MDGA2: variants seen among roughly 807,000 people sequenced by gnomAD.
The protein encoded by MDGA2 is MAM domain-containing glycosylphosphatidylinositol anchor protein 2.
In MDGA2, 40 loss-of-function variants were observed where a neutral mutation model predicts 117.8. The observed-to-expected ratio is 0.34, with a 90% CI of 0.26 to 0.44. The LOEUF (loss-of-function observed/expected upper bound fraction) is 0.44, where lower values mean the gene tolerates loss of function less well. Among genes scored for constraint, MDGA2 ranks in the 20% least tolerant of loss-of-function variants. MDGA2 has a pLI of 1.00. For missense variants in MDGA2, 1,123 were observed against 1,250.6 expected (o/e 0.90, Z 1.54); for synonymous variants, 452 against 439.0 (o/e 1.03, Z -0.37).
chr14:47,485,051 A>C (rs189439061), intron 1 of MDGA2, among the ~76,000 whole-genome samples: 1 of 152,276 alleles, frequency 6.6e-6, no homozygotes, highest in East Asian at 1.9e-4. Flanking sequence ...AAAAATGTGA[A>C]AATGACTTTG....
chr14:47,237,090 A>G (rs941072823), intron 2 of MDGA2, among the ~76,000 whole-genome samples: 1 of 152,122 alleles, frequency 6.6e-6, no homozygotes, highest in Non-Finnish European at 1.5e-5. Context: ...CCCACAACCT[A>G]AATCTAATTT....
rs571492027 is a variant in MDGA2 at position 46,927,621 on chromosome 14, T to C, written c.2090-7461A>G. Among the ~76,000 whole-genome samples the C allele has an allele frequency of 3.3e-5, 5 of 152,318 alleles. No individual in the cohort carries two copies. The South Asian group carries it at 1.0e-3, about 32-fold the overall frequency. ...AACATCTCTCAGTTGAAGATTCATT[T>C]TTAAAATGAATGCAAGATGTGTGTA... is the stretch of plus-strand genomic sequence containing the variant. On this transcript the variant is annotated intron_variant, in intron 9 of 16. Coordinates refer to ENST00000399232, the MANE Select transcript of MDGA2 (RefSeq NM_001113498.3).
rs549300610 is a variant in MDGA2 at position 47,626,248 on chromosome 14, T to C, written c.280+48269A>G. The C allele has an allele frequency of 2.6e-5, 4 of 152,416 alleles. No individual in the cohort carries two copies. The Middle Eastern group carries it at 0.014, about 518-fold the overall frequency. 9.4% of individuals were successfully genotyped at this position (152,416 alleles called of 1,614,324 possible). A position where few individuals can be genotyped will look rare whatever the true frequency, so the allele number is the denominator to read the frequency against. ...TTGTTTTGGTAAACTAATCATATCA[T>C]TAAAAACAGTCAATACTTGTCTCCT... is the stretch of plus-strand genomic sequence containing the variant. On this transcript the variant is annotated intron_variant, in intron 1 of 16. Transcript: ENST00000399232.
chr14:47,153,804 T>C (rs1466756790), intron 3 of MDGA2, among the ~76,000 whole-genome samples: 1 of 149,404 alleles, frequency 6.7e-6, no homozygotes, highest in African/African-American at 2.5e-5. Flanking sequence ...AACAAATCAA[T>C]AGTAAATAAA....
intron 2 of MDGA2, among the ~76,000 whole-genome samples, chr14:47,232,509 G>A (rs1886725324): frequency 6.6e-6 from 1 of 151,966 alleles, no homozygotes; most frequent in Admixed American, 6.6e-5. Flanking sequence ...GAATTCTATT[G>A]TCTGCAATTG....
At chr14:47,237,863 T>C (rs1385617348) in intron 2 of MDGA2, among the ~76,000 whole-genome samples, 1 of 152,172 alleles carries the variant, frequency 6.6e-6, no homozygotes, top group Non-Finnish European at 1.5e-5. Flanking sequence ...TTGACCCCTC[T>C]AATCTATGTC....
intron 1 of MDGA2, among the ~76,000 whole-genome samples, chr14:47,534,523 G>C (rs1471999274): frequency 6.6e-6 from 1 of 152,188 alleles, no homozygotes; most frequent in African/African-American, 2.4e-5. Flanking sequence ...GCAAGTGAGA[G>C]AGAGCCAGGA....
intron 14 of MDGA2, among the ~76,000 whole-genome samples, chr14:46,865,282 G>C (rs183696640): frequency 2.7e-5 from 4 of 150,918 alleles, no homozygotes; most frequent in Admixed American, 2.6e-4. Flanking sequence ...CAAAACTCTT[G>C]ATTAATCCAC....
At chr14:47,621,275 T>C (rs1010253107) in intron 1 of MDGA2, among the ~76,000 whole-genome samples, 3 of 152,172 alleles carry the variant, frequency 2.0e-5, no homozygotes, top group Admixed American at 1.3e-4. Flanking sequence ...CCCTTCTTCT[T>C]TCCATGCCAC....
intron 5 of MDGA2, among the ~76,000 whole-genome samples, chr14:47,103,706 T>A (rs1164471817): frequency 6.6e-6 from 1 of 152,218 alleles, no homozygotes; most frequent in African/African-American, 2.4e-5. Flanking sequence ...GCATAACTTT[T>A]AGGAAGAGAT....
chr14:46,924,667 C>G (rs75757941), intron 9 of MDGA2, among the ~76,000 whole-genome samples: 1 of 151,574 alleles, frequency 6.6e-6, no homozygotes, highest in Non-Finnish European at 1.5e-5. Flanking sequence ...ATTTTATTAT[C>G]AGATTGCACA....
intron 1 of MDGA2, among the ~76,000 whole-genome samples, chr14:47,624,742 T>C (rs1897110293): frequency 6.6e-6 from 1 of 152,140 alleles, no homozygotes; most frequent in Admixed American, 6.5e-5. Flanking sequence ...TCCTTTGATC[T>C]CAACCTAGGG....
chr14:47,065,394 T>C (rs1890043918), intron 6 of MDGA2, among the ~76,000 whole-genome samples: 1 of 152,120 alleles, frequency 6.6e-6, no homozygotes, highest in African/African-American at 2.4e-5. Context: ...GTAGGGTTTG[T>C]TGCTCACCTT....
intron 6 of MDGA2, among the ~76,000 whole-genome samples, chr14:47,070,604 A>G (rs368415360): frequency 6.6e-6 from 1 of 150,502 alleles, no homozygotes; most frequent in Non-Finnish European, 1.5e-5. Context: ...TTTTTTTATT[A>G]TTTTATTTAT....
chr14:47,245,046 C>T (rs1469337578), intron 2 of MDGA2, among the ~76,000 whole-genome samples: 1 of 151,690 alleles, frequency 6.6e-6, no homozygotes, highest in East Asian at 1.9e-4. Flanking sequence ...GTTTTTGAGA[C>T]AAAGTCTCAC....
chr14:47,066,865 G>A (rs1214353640), intron 6 of MDGA2, among the ~76,000 whole-genome samples: 1 of 152,086 alleles, frequency 6.6e-6, no homozygotes, highest in Non-Finnish European at 1.5e-5. Flanking sequence ...GCTCATGCCT[G>A]CACTTTGGGA....
At chr14:47,590,166 T>C (rs1896409558) in intron 1 of MDGA2, among the ~76,000 whole-genome samples, 1 of 151,928 alleles carries the variant, frequency 6.6e-6, no homozygotes, top group South Asian at 2.1e-4. Context: ...CTTTCCAATC[T>C]AGATACCATT....
intron 1 of MDGA2, among the ~76,000 whole-genome samples, chr14:47,513,401 G>A (rs1258112387): frequency 6.6e-6 from 1 of 151,962 alleles, no homozygotes; most frequent in East Asian, 1.9e-4. Flanking sequence ...TTTTGTGCAA[G>A]ATCTCCTGAT....
intron 8 of MDGA2, among the ~76,000 whole-genome samples, chr14:46,992,460 T>C (rs146682543): frequency 1.6e-4 from 24 of 152,256 alleles, no homozygotes; most frequent in Admixed American, 1.5e-3. Context: ...GGACAATTAT[T>C]GGCAGCTCCA....
Sources: gnomAD v4.1 joint callset for allele counts (sites outside exome capture counted in the v4.1 genomes callset) on GRCh38, gnomAD v4.1.1 for gene constraint, MANE v1.5 for transcripts, NCBI Gene and HGNC (gene_info 2026-07-23, HGNC 2026-07-21) for gene names.